Variants in CPQ observed in about 807,000 individuals in gnomAD.
CPQ encodes the protein carboxypeptidase Q.
In CPQ, 37 loss-of-function variants were observed where a neutral mutation model predicts 45.7. The ratio of observed to expected loss-of-function variants is 0.81; its 90% CI spans 0.62 to 1.07. The LOEUF (loss-of-function observed/expected upper bound fraction) is 1.07, where lower values mean the gene tolerates loss of function less well. Ranked by LOEUF, CPQ falls within the 50% of genes least tolerant of loss-of-function variation. The probability of loss-of-function intolerance (pLI) is 0.00; values close to 1 mark genes in which losing one functional copy is unlikely to be tolerated. For synonymous variants in CPQ, 186 were observed against 205.8 expected (o/e 0.90, Z 0.82); for missense variants, 537 against 572.9 (o/e 0.94, Z 0.64).
intron 4 of CPQ, among the ~76,000 whole-genome samples, chr8:96,942,868 G>T (rs1034705802): frequency 1.3e-5 from 2 of 152,120 alleles, no homozygotes; most frequent in African/African-American, 4.8e-5. Flanking sequence ...GTGCCTCTTT[G>T]TCATTCTTCC....
chr8:96,957,763 C>T (rs1011461903), intron 4 of CPQ, among the ~76,000 whole-genome samples: 1 of 151,382 alleles, frequency 6.6e-6, no homozygotes, highest in Non-Finnish European at 1.5e-5. Flanking sequence ...CACACCTCTG[C>T]ACTCCGGCCT....
intron 1 of CPQ, among the ~76,000 whole-genome samples, chr8:96,694,073 C>A (rs1010839160): frequency 6.6e-6 from 1 of 152,002 alleles, no homozygotes; most frequent in Non-Finnish European, 1.5e-5. Flanking sequence ...ATGGTATTTG[C>A]AAGCCTCATG....
chr8:96,821,043 G>A (rs1310694579), intron 2 of CPQ, among the ~76,000 whole-genome samples: 1 of 151,082 alleles, frequency 6.6e-6, no homozygotes, highest in East Asian at 1.9e-4. Flanking sequence ...GGGATATTGA[G>A]CATTTTTTTC....
chr8:96,707,672 A>C (rs1809550733), intron 1 of CPQ, among the ~76,000 whole-genome samples: 1 of 149,854 alleles, frequency 6.7e-6, no homozygotes, highest in Admixed American at 6.6e-5. Context: ...TTAATGAATG[A>C]ATGAATGAAT....
chr8:97,104,043 C>T (rs1811360681), intron 7 of CPQ, among the ~76,000 whole-genome samples: 1 of 152,110 alleles, frequency 6.6e-6, no homozygotes, highest in Admixed American at 6.5e-5. Flanking sequence ...TAGTACTCAG[C>T]TTGCAGGGAT....
chr8:96,721,278 G>A (rs561675761), intron 1 of CPQ, among the ~76,000 whole-genome samples: 1 of 151,954 alleles, frequency 6.6e-6, no homozygotes, highest in African/African-American at 2.4e-5. Context: ...TCACTTTACT[G>A]TGGTTGGGAG....
intron 5 of CPQ, among the ~76,000 whole-genome samples, chr8:96,982,096 A>G (rs1479217479): frequency 6.6e-6 from 1 of 152,228 alleles, no homozygotes; most frequent in Non-Finnish European, 1.5e-5. Context: ...TGATCATCTC[A>G]TGGCTTGAAT....
chr8:96,927,679 G>A (rs1812910132), intron 4 of CPQ, among the ~76,000 whole-genome samples: 1 of 152,198 alleles, frequency 6.6e-6, no homozygotes, highest in African/African-American at 2.4e-5. Context: ...TGTCTCATTG[G>A]AGGGAAGGTA....
At chr8:96,794,160 C>A (rs1003665494) in intron 2 of CPQ, among the ~76,000 whole-genome samples, 2 of 152,182 alleles carry the variant, frequency 1.3e-5, no homozygotes, top group African/African-American at 4.8e-5. Flanking sequence ...CTGCACTGCC[C>A]TAGGGGAGGT....
intron 1 of CPQ, among the ~76,000 whole-genome samples, chr8:96,742,401 C>T (rs1810105614): frequency 6.6e-6 from 1 of 152,198 alleles, no homozygotes; most frequent in African/African-American, 2.4e-5. Flanking sequence ...CTGAATACAG[C>T]ACACTGATGG....
intron 3 of CPQ, among the ~76,000 whole-genome samples, chr8:96,879,337 C>G (rs1812189778): frequency 6.6e-6 from 1 of 152,206 alleles, no homozygotes; most frequent in African/African-American, 2.4e-5. Flanking sequence ...ATTTAGACCT[C>G]TGTGTTTGGG....
At chr8:96,876,223 C>A (rs1454071064) in intron 3 of CPQ, among the ~76,000 whole-genome samples, 1 of 151,520 alleles carries the variant, frequency 6.6e-6, no homozygotes, top group African/African-American at 2.4e-5. Context: ...TATGTGTGTT[C>A]CTTAGGATTT....
chr8:96,888,998 G>A (rs1812339416), intron 4 of CPQ, among the ~76,000 whole-genome samples: 1 of 152,110 alleles, frequency 6.6e-6, no homozygotes, highest in South Asian at 2.1e-4. Flanking sequence ...TATTTTGTTG[G>A]TAGACTATTT....
At chr8:96,835,928 C>T (rs1181254001) in intron 3 of CPQ, among the ~76,000 whole-genome samples, 2 of 151,964 alleles carry the variant, frequency 1.3e-5, no homozygotes, top group Non-Finnish European at 2.9e-5. Context: ...ACTTTATTGG[C>T]CCTCAGTCCT....
intron 1 of CPQ, among the ~76,000 whole-genome samples, chr8:96,701,867 T>C (rs1586365013): frequency 6.6e-6 from 1 of 152,202 alleles, no homozygotes; most frequent in African/African-American, 2.4e-5. Flanking sequence ...GTTTGTGCAA[T>C]AGCTGTTGTA....
At chr8:97,021,121 T>G (rs1809672316) in intron 5 of CPQ, among the ~76,000 whole-genome samples, 1 of 151,956 alleles carries the variant, frequency 6.6e-6, no homozygotes, top group African/African-American at 2.4e-5. Flanking sequence ...AAAACAAAAA[T>G]TACATGATCA....
chr8:96,793,802 G>T (rs1051827947), intron 2 of CPQ, among the ~76,000 whole-genome samples: 2 of 152,190 alleles, frequency 1.3e-5, no homozygotes, highest in Non-Finnish European at 2.9e-5. Context: ...GCCATTCCTT[G>T]TGGGAGAAAT....
At chr8:96,651,749 C>A (rs1815579136) in intron 1 of CPQ, among the ~76,000 whole-genome samples, 1 of 151,842 alleles carries the variant, frequency 6.6e-6, no homozygotes, top group East Asian at 1.9e-4. Flanking sequence ...TATATATGTA[C>A]ATGATATATA....
At chr8:97,141,832 G>C (rs1256171686) in intron 7 of CPQ, among the ~76,000 whole-genome samples, 2 of 152,168 alleles carry the variant, frequency 1.3e-5, no homozygotes, top group East Asian at 3.8e-4. Flanking sequence ...TCTTATATAT[G>C]TTTGAATGGA....
Sources: allele counts gnomAD v4.1 joint callset (sites outside exome capture counted in the v4.1 genomes callset), GRCh38; gene constraint gnomAD v4.1.1; transcripts MANE v1.5; gene names NCBI Gene and HGNC (gene_info 2026-07-23, HGNC 2026-07-21).